Variants in MIER3 observed in about 807,000 individuals in gnomAD.
MIER3 encodes mesoderm induction early response protein 3.
A neutral mutation model predicts 63.2 loss-of-function variants in MIER3; 9 were observed. That is an observed-to-expected ratio of 0.14 (90% CI 0.09 to 0.25). The LOEUF (loss-of-function observed/expected upper bound fraction) is 0.25, where lower values mean the gene tolerates loss of function less well. Among genes scored for constraint, MIER3 ranks in the 10% least tolerant of loss-of-function variants. The pLI, the probability that MIER3 is intolerant of heterozygous loss-of-function variation, is 1.00. For missense variants in MIER3, 512 were observed against 666.2 expected (o/e 0.77, Z 2.55); for synonymous variants, 205 against 224.9 (o/e 0.91, Z 0.79).
At chr5:56,940,406 G>C (rs1750603234) in intron 3 of MIER3, among the ~76,000 whole-genome samples, 1 of 152,202 alleles carries the variant, frequency 6.6e-6, no homozygotes. Flanking sequence ...AAAGTGACCT[G>C]AGAAGAGCCA....
In MIER3 at chr5:56,920,710, T is replaced by C. The variant is rs1215735036; in HGVS notation, c.*2418A>G. The C allele has an allele frequency of 6.6e-6, 1 of 152,264 alleles. No individual in the cohort carries two copies. Among genetic ancestry groups the C allele is most frequent in the Non-Finnish European group, 1.5e-5 (1 of 67,942 alleles). 9.4% of individuals were successfully genotyped at this position (152,264 alleles called of 1,614,324 possible). On this transcript the variant is annotated 3_prime_UTR_variant, in exon 13 of 13. Coordinates refer to ENST00000381199, the MANE Select transcript of MIER3 (RefSeq NM_001297599.2). ...TGGATAAAGTCATAGTGGTACAATT[T>C]ATGAATGTCACATCAAGCATGCACA...
chr5:56,937,395 A>T (rs928089448), intron 5 of MIER3, among the ~76,000 whole-genome samples, 183 bp downstream of exon 5: 4 of 152,216 alleles, frequency 2.6e-5, no homozygotes, highest in African/African-American at 9.6e-5. Context: ...CAATTTTTAA[A>T]TGGCATATTA....
intron 1 of MIER3, among the ~76,000 whole-genome samples, chr5:56,950,877 A>G (rs1336658519): frequency 6.6e-6 from 1 of 152,110 alleles, no homozygotes; most frequent in Non-Finnish European, 1.5e-5. Flanking sequence ...CCCGGGACGA[A>G]GCCCGGAGTC....
chr5:56,937,429 G>A, intron 5 of MIER3, 149 bp downstream of exon 5: 1 of 831,760 alleles, frequency 1.2e-6, no homozygotes, highest in Non-Finnish European at 1.7e-6. Flanking sequence ...CCAAAAGAAA[G>A]GTTATAATCT....
chr5:56,919,792 C>T lies in MIER3; in HGVS notation c.*3336G>A, dbSNP rs1369992204. On this transcript the variant is annotated 3_prime_UTR_variant, in exon 13 of 13. Transcript: ENST00000381199. ...TAATTTATCTCATACTCACAGGGTA[C>T]TTATTTCAAACTGGGACAATTGGAA... The T allele has an allele frequency of 6.6e-6, 1 of 152,548 alleles. No homozygotes were observed. Among genetic ancestry groups the T allele is most frequent in the African/African-American group, 2.4e-5 (1 of 41,418 alleles). The allele number at this position is 152,548 out of a possible 1,614,324, so 9.4% of individuals were successfully genotyped here. A position where few individuals can be genotyped will look rare whatever the true frequency, so the allele number is the denominator to read the frequency against.
intron 8 of MIER3, among the ~76,000 whole-genome samples, chr5:56,930,985 T>A (rs1561235938): frequency 1.6e-5 from 2 of 123,818 alleles, no homozygotes; most frequent in African/African-American, 6.0e-5. Context: ...CACCTGCCTG[T>A]ATCATTCTTG....
At position 56,919,720 on chromosome 5, in the gene MIER3, C is replaced by T. The variant is rs1397505333; in HGVS notation, c.*3408G>A. ...ACAAATATTAAAATCAATGCAATAG[C>T]AACTTCCTCTTGAACATCTGATACT... On this transcript the variant is annotated 3_prime_UTR_variant, in exon 13 of 13. Coordinates refer to ENST00000381199, the MANE Select transcript of MIER3 (RefSeq NM_001297599.2). 6.6e-6 allele frequency: 1 copy of T among 152,562 alleles called. No individual in the cohort carries two copies. Among genetic ancestry groups the T allele is most frequent in the African/African-American group, 2.4e-5 (1 of 41,434 alleles). 9.5% of individuals were successfully genotyped at this position (152,562 alleles called of 1,614,324 possible). A position where few individuals can be genotyped will look rare whatever the true frequency, so the allele number is the denominator to read the frequency against.
intron 10 of MIER3, among the ~76,000 whole-genome samples, chr5:56,926,119 A>T (rs1749968326): frequency 6.6e-6 from 1 of 152,150 alleles, no homozygotes; most frequent in Non-Finnish European, 1.5e-5. Context: ...TATAGACCTA[A>T]ATGTAAATGC....
intron 10 of MIER3, chr5:56,925,424 G>C (rs762616444): frequency 8.3e-5 from 35 of 420,478 alleles, no homozygotes; most frequent in Non-Finnish European, 1.4e-4. Flanking sequence ...CAGGAGACAA[G>C]GTTAATACAC....
intron 9 of MIER3, among the ~76,000 whole-genome samples, chr5:56,929,794 A>G (rs1022378218): frequency 1.3e-5 from 2 of 152,188 alleles, no homozygotes; most frequent in Admixed American, 6.5e-5. Flanking sequence ...AAGGTCTTCA[A>G]AGAGTCACAG....
chr5:56,921,378 A>C lies in MIER3; in HGVS notation c.*1750T>G, dbSNP rs1749665066. ...AATACAAGAAAGTAACACAGAGCCC[A>C]GGCTACCCATTATTTACTGTGTGCA... is the stretch of plus-strand genomic sequence containing the variant. On this transcript the variant is annotated 3_prime_UTR_variant, in exon 13 of 13. Coordinates refer to ENST00000381199, the MANE Select transcript of MIER3 (RefSeq NM_001297599.2). 6.6e-6 allele frequency: 1 copy of C among 152,406 alleles called. No homozygotes were observed. Among genetic ancestry groups the C allele is most frequent in the Non-Finnish European group, 1.5e-5 (1 of 67,990 alleles). The allele number at this position is 152,406 out of a possible 1,614,324, so 9.4% of individuals were successfully genotyped here. A position where few individuals can be genotyped will look rare whatever the true frequency, so the allele number is the denominator to read the frequency against.
At chr5:56,928,918 C>G (rs1750135146) in intron 9 of MIER3, 57 bp from the exon 10 acceptor site, 1 of 1,233,732 alleles carries the variant, frequency 8.1e-7, no homozygotes. Context: ...ATGTGAATCA[C>G]TGATTTTCAG....
At chr5:56,945,033 CCTATA>C (rs941834756) in intron 3 of MIER3, among the ~76,000 whole-genome samples, 1 of 152,078 alleles carries the variant, frequency 6.6e-6, no homozygotes, top group African/African-American at 2.4e-5. Context: ...AAAGGAAAAA[CCTATA>C]CTAAAGTTAA....
At chr5:56,935,241 GA>G (rs1375299142) in intron 7 of MIER3, among the ~76,000 whole-genome samples, 186 bp downstream of exon 7, 3 of 152,076 alleles carry the variant, frequency 2.0e-5, no homozygotes, top group Non-Finnish European at 2.9e-5. Flanking sequence ...GGGGTGGGGG[GA>G]AACTCTGAGT....
Position 56,923,940 on chromosome 5 carries a change from T to C in MIER3, c.1027A>G (p.Arg343Gly). Residue 343 changes from arginine to glycine, a missense_variant, in exon 11 of 13, where the codon AGA becomes GGA. Transcript: ENST00000381199. ...FAQQTRFGKK[R>G]YNHHPGVTDY... is the part of the protein sequence containing the mutation. ...GTAACTCCAGGGTGATGGTTATATC[T>C]TTTTTTCCCAAATCTTGTCTGTTGA... The C allele has an allele frequency of 6.2e-7, 1 of 1,613,832 alleles. No homozygotes were observed. The highest frequency in any genetic ancestry group is 1.7e-4 in the Middle Eastern group (1 of 6,060).
chr5:56,928,734 A>G (rs765717092), intron 10 of MIER3, 33 bp downstream of exon 10: 25 of 1,441,212 alleles, frequency 1.7e-5, no homozygotes, highest in Admixed American at 7.7e-5. Flanking sequence ...CACTGTAACT[A>G]GTAATTTATC....
At chr5:56,935,375 T>C in intron 7 of MIER3, 53 bp downstream of exon 7, 1 of 1,330,142 alleles carries the variant, frequency 7.5e-7, no homozygotes, top group Non-Finnish European at 1.0e-6. Flanking sequence ...AATACACTTA[T>C]CAAGTGGTAA....
chr5:56,943,794 T>C (rs1170850989), intron 3 of MIER3, among the ~76,000 whole-genome samples: 1 of 152,208 alleles, frequency 6.6e-6, no homozygotes, highest in Non-Finnish European at 1.5e-5. Context: ...TCTGTAAGGA[T>C]CTGTGGTAGC....
At chr5:56,924,069 A>G in intron 10 of MIER3, 27 bp from the exon 11 acceptor site, 2 of 1,591,022 alleles carry the variant, frequency 1.3e-6, no homozygotes, top group South Asian at 2.3e-5. Context: ...ATTTTTAAAA[A>G]ACCAACAAAC....
Sources: allele counts gnomAD v4.1 joint callset (sites outside exome capture counted in the v4.1 genomes callset), GRCh38; gene constraint gnomAD v4.1.1; transcripts MANE v1.5; gene names NCBI Gene and HGNC (gene_info 2026-07-23, HGNC 2026-07-21).